The following ZNF724 variants were observed in gnomAD, a reference collection of about 807,000 sequenced individuals.
ZNF724 encodes the protein zinc finger protein 724 pseudogene.
In ZNF724, 14 loss-of-function variants were observed where a neutral mutation model predicts 29.3. The observed-to-expected ratio is 0.48, with a 90% CI of 0.32 to 0.75. The LOEUF (loss-of-function observed/expected upper bound fraction) is 0.75, where lower values mean the gene tolerates loss of function less well. ZNF724 is among the 30% of genes least tolerant of loss of function. The pLI is 0.04. For synonymous variants in ZNF724, 180 were observed against 193.6 expected (o/e 0.93, Z 0.58); for missense variants, 557 against 571.2 (o/e 0.98, Z 0.25).
At position 23,223,741 on chromosome 19, in the gene ZNF724, A is replaced by T; in HGVS notation, c.504T>A (p.Asn168Lys). 1 of 737,274 alleles carries T rather than the reference A, an allele frequency of 1.4e-6. No homozygotes were observed. The highest frequency in any genetic ancestry group is 2.5e-6 in the Non-Finnish European group (1 of 397,402). 45.7% of individuals were successfully genotyped at this position (737,274 alleles called of 1,614,324 possible). Residue 168 changes from asparagine (N) to lysine (K), a missense_variant, in exon 4 of 4, where the codon AAT becomes AAA. By Grantham distance (94) the Asn-to-Lys change is moderately conservative. Around this residue, in one of 3 missense-constraint regions of ZNF724, gnomAD observed 362 missense variants for 295.5 expected, o/e 1.22. Coordinates refer to ENST00000418100, the MANE Select transcript of ZNF724 (RefSeq NM_001355404.2). ...SNSNRHKTEKNPFKCKECGKS... is the reference protein window; with the variant it reads ...SNSNRHKTEKKPFKCKECGKS... The stretch of plus-strand genomic sequence containing the variant: ...TGCCACATTCTTTACATTTGAAAGG[A>T]TTCTTTTCAGTCTTATGTCTATTTG...
intron 3 of ZNF724, 76 bp downstream of exon 3, chr19:23,231,190 G>T (rs1013124384): frequency 1.6e-5 from 17 of 1,066,854 alleles, no homozygotes; most frequent in Non-Finnish European, 2.3e-5. Context: ...GCCCCAAATC[G>T]TATTTCAAAA....
intron 3 of ZNF724, among the ~76,000 whole-genome samples, chr19:23,225,441 T>C (rs1009558043): frequency 5.9e-5 from 9 of 151,918 alleles, no homozygotes; most frequent in African/African-American, 2.2e-4. Flanking sequence ...CCCATTTCTA[T>C]AGGATACAAA....
intron 1 of ZNF724, among the ~76,000 whole-genome samples, chr19:23,247,018 T>G (rs999740643): frequency 2.3e-4 from 35 of 151,196 alleles, no homozygotes; most frequent in African/African-American, 6.6e-4. Context: ...AGGTCAGGAG[T>G]TCAAGACCAG....
intron 1 of ZNF724, chr19:23,236,280 C>A (rs1019129278): frequency 2.0e-5 from 3 of 152,262 alleles, no homozygotes; most frequent in African/African-American, 4.8e-5. Context: ...ACTGCCAGAG[C>A]AGCACTCCAG....
At chr19:23,225,473 G>T (rs1971810311) in intron 3 of ZNF724, among the ~76,000 whole-genome samples, 1 of 152,046 alleles carries the variant, frequency 6.6e-6, no homozygotes, top group Admixed American at 6.6e-5. Flanking sequence ...GGGCATGATG[G>T]TGGGTGCCTG....
intron 1 of ZNF724, among the ~76,000 whole-genome samples, chr19:23,243,645 G>C (rs937432803): frequency 6.6e-6 from 1 of 151,756 alleles, no homozygotes; most frequent in African/African-American, 2.4e-5. Flanking sequence ...TGTTTGGGCC[G>C]GGCGCGGTGG....
chr19:23,235,850 T>C (rs1367337289), intron 1 of ZNF724, among the ~76,000 whole-genome samples: 1 of 152,106 alleles, frequency 6.6e-6, no homozygotes, highest in Non-Finnish European at 1.5e-5. Context: ...TCCAAAATGA[T>C]AGAACAGAAA....
intron 1 of ZNF724, among the ~76,000 whole-genome samples, chr19:23,234,095 T>G (rs1268518729): frequency 6.6e-6 from 1 of 152,168 alleles, no homozygotes; most frequent in Non-Finnish European, 1.5e-5. Flanking sequence ...AATGGAAATA[T>G]GGGCCACGCT....
chr19:23,248,941 G>C (rs1437063447), intron 1 of ZNF724, among the ~76,000 whole-genome samples: 1 of 152,004 alleles, frequency 6.6e-6, no homozygotes, highest in Admixed American at 6.6e-5. Context: ...GTTGCAGATC[G>C]TGCCACTGCA....
rs183162196 is a variant in ZNF724 at position 23,243,618 on chromosome 19, T to A, written c.3+6622A>T. On this transcript the variant is annotated intron_variant, in intron 1 of 3. Coordinates refer to ENST00000418100, the MANE Select transcript of ZNF724 (RefSeq NM_001355404.2). ...AAAACAGACACAGGCCTAGTTGAGG[T>A]TGGCAGGACAAAGACCTGTTTGGGC... Among the ~76,000 whole-genome samples the A allele has an allele frequency of 1.3e-3, 190 of 151,446 alleles. 1 individual carries two copies. The highest frequency in any genetic ancestry group is 2.4e-3 in the Non-Finnish European group (161 of 67,880).
intron 1 of ZNF724, among the ~76,000 whole-genome samples, chr19:23,237,720 A>AG (rs1372895761): frequency 6.0e-5 from 9 of 150,752 alleles, no homozygotes; most frequent in Non-Finnish European, 1.2e-4. Context: ...CCCGTCTTAA[A>AG]AAAAAAAAAA....
At chr19:23,241,129 C>A (rs1400991269) in intron 1 of ZNF724, among the ~76,000 whole-genome samples, 1 of 151,946 alleles carries the variant, frequency 6.6e-6, no homozygotes, top group Non-Finnish European at 1.5e-5. Flanking sequence ...ACTATAGACA[C>A]CTCTGTACAC....
rs1369822773 is a variant in ZNF724 at position 23,223,961 on chromosome 19, A to C, written c.284T>G (p.Leu95Trp). The change falls in exon 4 of 4, where the codon TTG (leucine) becomes TGG (tryptophan). Residue 95 changes from leucine (L) to tryptophan (W), a missense_variant. Leu to Trp is a moderately conservative substitution (Grantham distance 61, BLOSUM62 -2). This residue lies in a region of ZNF724 where 362 missense variants were observed against 295.5 expected (regional missense o/e 1.22). Transcript: ENST00000418100. Reference sequence around the variant, plus strand: ...ATATTTTCTCAGTATTATTCTTTGCAAAGAAGCTTTTATGCTCTGCTCTGG... The same window carrying C: ...ATATTTTCTCAGTATTATTCTTTGCCAAGAAGCTTTTATGCTCTGCTCTGG... ...LRPEQSIKAS[L>W]QRIILRKYEK... 2.7e-6 allele frequency: 2 copies of C among 738,582 alleles called. No homozygotes were observed. Among genetic ancestry groups the C allele is most frequent in the Non-Finnish European group, 2.5e-6 (1 of 401,744 alleles). 45.8% of individuals were successfully genotyped at this position (738,582 alleles called of 1,614,324 possible).
chr19:23,241,618 A>T lies in ZNF724; in HGVS notation c.3+8622T>A, dbSNP rs143800436. Among the ~76,000 whole-genome samples the T allele has an allele frequency of 2.8e-4, 42 of 152,330 alleles. No homozygotes were observed. In the East Asian group the frequency reaches 7.5e-3, roughly 27 times the overall value. ...ACAAAAATATCAATAAATCTGATTCACATAAACAGAACTAAAGAACCACAA... is the reference window on the plus strand; with the variant it reads ...ACAAAAATATCAATAAATCTGATTCTCATAAACAGAACTAAAGAACCACAA... On this transcript the variant is annotated intron_variant, in intron 1 of 3. Transcript: ENST00000418100.
At chr19:23,238,036 A>G (rs1000393064) in intron 1 of ZNF724, among the ~76,000 whole-genome samples, 1 of 152,114 alleles carries the variant, frequency 6.6e-6, no homozygotes, top group African/African-American at 2.4e-5. Context: ...TCTTAAAATG[A>G]GCTTTAATCT....
At chr19:23,243,034 C>A (rs1599648302) in intron 1 of ZNF724, among the ~76,000 whole-genome samples, 3 of 44,070 alleles carry the variant, frequency 6.8e-5, no homozygotes, top group South Asian at 1.3e-3. Context: ...AGCAAAACTC[C>A]ATCTCAAAAA....
chr19:23,228,112 TG>T (rs1315102124), intron 3 of ZNF724, among the ~76,000 whole-genome samples: 1 of 151,890 alleles, frequency 6.6e-6, no homozygotes, highest in Non-Finnish European at 1.5e-5. Flanking sequence ...AAGACCAGCT[TG>T]GGGTATATAG....
At chr19:23,231,488 A>G in intron 2 of ZNF724, 127 bp from the exon 3 acceptor site, 1 of 709,646 alleles carries the variant, frequency 1.4e-6, no homozygotes, top group Non-Finnish European at 2.1e-6. Flanking sequence ...AAATTTCTAA[A>G]TATTTAGACA....
At chr19:23,249,094 A>G (rs1243668258) in intron 1 of ZNF724, among the ~76,000 whole-genome samples, 1 of 152,180 alleles carries the variant, frequency 6.6e-6, no homozygotes, top group Non-Finnish European at 1.5e-5. Flanking sequence ...TACCTAACCA[A>G]TTATTGAATT....
Sources: gnomAD v4.1 joint callset for allele counts (sites outside exome capture counted in the v4.1 genomes callset) on GRCh38, gnomAD v4.1.1 for gene constraint, gnomAD v4.1.1 regional missense constraint, MANE v1.5 for transcripts, NCBI Gene and HGNC (gene_info 2026-07-23, HGNC 2026-07-21) for gene names.